SGCZ: variants seen among roughly 807,000 people sequenced by gnomAD.
SGCZ encodes sarcoglycan zeta.
SGCZ carries 40 observed loss-of-function variants against 41.3 expected under a neutral mutation model. That is an observed-to-expected ratio of 0.97 (90% CI 0.75 to 1.26). The LOEUF (loss-of-function observed/expected upper bound fraction) is 1.26. Ranked by LOEUF, SGCZ falls within the 50% of genes most tolerant of loss-of-function variation. SGCZ has a pLI of 0.00. For missense variants in SGCZ, 552 were observed against 369.8 expected, an observed-to-expected ratio of 1.49 and a Z score of -4.04; for synonymous variants, 206 against 137.5, an observed-to-expected ratio of 1.50 and a Z score of -3.49.
chr8:14,605,906 T>C (rs1805733698), intron 1 of SGCZ, among the ~76,000 whole-genome samples: 1 of 152,200 alleles, frequency 6.6e-6, no homozygotes, highest in Non-Finnish European at 1.5e-5. Context: ...ATCTGTTGCC[T>C]CCTAGTTCTA....
intron 1 of SGCZ, among the ~76,000 whole-genome samples, chr8:14,599,778 A>G (rs1251355429): frequency 1.3e-5 from 2 of 152,192 alleles, no homozygotes; most frequent in Non-Finnish European, 2.9e-5. Flanking sequence ...TTTCTGAATC[A>G]TAAGTTGTTC....
intron 4 of SGCZ, among the ~76,000 whole-genome samples, chr8:14,175,502 A>G (rs755511883): frequency 1.3e-5 from 2 of 152,162 alleles, no homozygotes; most frequent in African/African-American, 2.4e-5. Context: ...GAGGTTATGC[A>G]TTCTGAGGTT....
intron 2 of SGCZ, among the ~76,000 whole-genome samples, chr8:14,504,315 T>C (rs1802241281): frequency 6.6e-6 from 1 of 152,206 alleles, no homozygotes; most frequent in Non-Finnish European, 1.5e-5. Flanking sequence ...ATATTCAATC[T>C]TTAATTAATC....
intron 1 of SGCZ, among the ~76,000 whole-genome samples, chr8:15,091,388 G>C (rs907316069): frequency 2.0e-5 from 3 of 152,144 alleles, no homozygotes; most frequent in Non-Finnish European, 4.4e-5. Context: ...AAGAAAATGT[G>C]TATTTTTCAC....
chr8:14,355,829 C>T (rs557624391), intron 2 of SGCZ, among the ~76,000 whole-genome samples: 1 of 152,026 alleles, frequency 6.6e-6, no homozygotes, highest in Admixed American at 6.6e-5. Flanking sequence ...CAGCAAATTC[C>T]CTGGTCTAGT....
chr8:15,209,764 T>TAA (rs201565042), intron 1 of SGCZ, among the ~76,000 whole-genome samples: 2 of 55,386 alleles, frequency 3.6e-5, no homozygotes, highest in African/African-American at 9.3e-5. Flanking sequence ...GTAGTTGCCT[T>TAA]AAAAAAATTA....
At chr8:14,803,479 GA>G (rs1412838930) in intron 1 of SGCZ, among the ~76,000 whole-genome samples, 2 of 152,130 alleles carry the variant, frequency 1.3e-5, no homozygotes, top group Non-Finnish European at 2.9e-5. Context: ...ACGGCACCTG[GA>G]AAATCGGGTC....
At chr8:14,515,441 T>C (rs1425257819) in intron 2 of SGCZ, among the ~76,000 whole-genome samples, 2 of 152,120 alleles carry the variant, frequency 1.3e-5, no homozygotes, top group Non-Finnish European at 2.9e-5. Flanking sequence ...CGCATCAATA[T>C]GTATCTTGGT....
At chr8:14,491,224 C>T (rs1010466195) in intron 2 of SGCZ, among the ~76,000 whole-genome samples, 3 of 152,044 alleles carry the variant, frequency 2.0e-5, no homozygotes, top group Admixed American at 1.3e-4. Flanking sequence ...GCCCTAATGG[C>T]GATACACCGA....
At chr8:15,061,244 A>G (rs190629401) in intron 1 of SGCZ, among the ~76,000 whole-genome samples, 96 of 139,610 alleles carry the variant, frequency 6.9e-4, no homozygotes, top group Non-Finnish European at 8.3e-4. Context: ...ATAGGATTAG[A>G]GCCCCTACAA....
Position 14,415,753 on chromosome 8 carries a change from A to C in SGCZ, c.235-91549T>G, listed in dbSNP as rs188576394. ...TATCTTGAAAGTTCAAAAGACTCAG[A>C]TGCACCACCTCAAATTTGTGACAGC... is the stretch of plus-strand genomic sequence containing the variant. On this transcript the variant is annotated intron_variant, in intron 2 of 7. Transcript: ENST00000382080. 7.9e-5 allele frequency among the ~76,000 whole-genome samples: 12 copies of C among 152,026 alleles called. No homozygotes were observed. The East Asian group carries it at 1.9e-3, about 25-fold the overall frequency.
chr8:14,690,455 G>A (rs1219892840), intron 1 of SGCZ: 1 of 152,062 alleles, frequency 6.6e-6, no homozygotes, highest in Non-Finnish European at 1.5e-5. Context: ...ATGAGATGCT[G>A]TTGATCTAAG....
intron 1 of SGCZ, among the ~76,000 whole-genome samples, chr8:14,939,290 A>G (rs1380039466): frequency 6.6e-6 from 1 of 152,124 alleles, no homozygotes; most frequent in African/African-American, 2.4e-5. Context: ...CTGTGTCTCC[A>G]TTTATACTGT....
At chr8:15,121,287 C>T (rs1252354072) in intron 1 of SGCZ, among the ~76,000 whole-genome samples, 2 of 152,188 alleles carry the variant, frequency 1.3e-5, no homozygotes, top group Non-Finnish European at 2.9e-5. Context: ...TTCCTCCAAG[C>T]TCTTTCCAAT....
At chr8:14,639,147 G>C (rs1168532616) in intron 1 of SGCZ, among the ~76,000 whole-genome samples, 1 of 150,232 alleles carries the variant, frequency 6.7e-6, no homozygotes, top group African/African-American at 2.4e-5. Context: ...CCAGGTTCAA[G>C]TGATTCTCCT....
chr8:14,179,272 C>T (rs555670670), intron 4 of SGCZ, among the ~76,000 whole-genome samples: 1 of 152,290 alleles, frequency 6.6e-6, no homozygotes, highest in East Asian at 1.9e-4. Context: ...TGTGGTGCCC[C>T]CTGTACATGC....
intron 2 of SGCZ, among the ~76,000 whole-genome samples, chr8:14,340,998 T>C (rs534681346): frequency 6.6e-6 from 1 of 152,298 alleles, no homozygotes; most frequent in Admixed American, 6.5e-5. Context: ...TTCTCTGAAC[T>C]GCTCGAGGAG....
intron 4 of SGCZ, among the ~76,000 whole-genome samples, chr8:14,230,766 T>TGGG (rs774569313): frequency 1.1e-5 from 1 of 92,752 alleles, no homozygotes; most frequent in African/African-American, 4.0e-5. Flanking sequence ...TTGGTGGTGG[T>TGGG]GGGGGGGTGG....
At chr8:14,739,445 C>T (rs548642997) in intron 1 of SGCZ, among the ~76,000 whole-genome samples, 12 of 152,012 alleles carry the variant, frequency 7.9e-5, no homozygotes, top group South Asian at 2.1e-4. Context: ...TACATACACA[C>T]GTGGATTTAA....
Sources: gnomAD v4.1 joint callset for allele counts (sites outside exome capture counted in the v4.1 genomes callset) on GRCh38, gnomAD v4.1.1 for gene constraint, MANE v1.5 for transcripts, NCBI Gene and HGNC (gene_info 2026-07-23, HGNC 2026-07-21) for gene names.